The following PAK1 variants were observed in gnomAD, a reference collection of about 807,000 sequenced individuals.
The protein encoded by PAK1 is p21 (RAC1) activated kinase 1.
A neutral mutation model predicts 67.4 loss-of-function variants in PAK1; 29 were observed. The observed-to-expected ratio is 0.43, with a 90% CI of 0.32 to 0.59. The LOEUF is 0.59. Ranked by LOEUF, PAK1 falls within the 20% of genes least tolerant of loss-of-function variation. The pLI, the probability that PAK1 is intolerant of heterozygous loss-of-function variation, is 0.07. For synonymous variants in PAK1, 223 were observed against 237.4 expected (o/e 0.94, Z 0.56); for missense variants, 337 against 670.7 (o/e 0.50, Z 5.50).
the PAK1 span, among the ~76,000 whole-genome samples, chr11:77,496,947 A>G: frequency 6.6e-6 from 1 of 152,204 alleles, no homozygotes; most frequent in Non-Finnish European, 1.5e-5. Context: ...AAAAATAAAA[A>G]TAAAAAAACT....
the PAK1 span, among the ~76,000 whole-genome samples, chr11:77,499,895 T>C: frequency 6.6e-6 from 1 of 152,128 alleles, no homozygotes; most frequent in Non-Finnish European, 1.5e-5. Context: ...TCTCACCCTT[T>C]TGACCTTCTC....
chr11:77,397,797 G>C (rs1437632171), intron 1 of PAK1, among the ~76,000 whole-genome samples: 1 of 152,158 alleles, frequency 6.6e-6, no homozygotes, highest in Non-Finnish European at 1.5e-5. Flanking sequence ...GGCTTCTTTG[G>C]AAGTCATCCA....
intron 1 of PAK1, among the ~76,000 whole-genome samples, chr11:77,424,029 T>C (rs1955424153): frequency 6.6e-6 from 1 of 152,146 alleles, no homozygotes; most frequent in Non-Finnish European, 1.5e-5. Context: ...AAAAATAGGC[T>C]TAAGGCTAAA....
At chr11:77,522,460 A>G in the PAK1 span, among the ~76,000 whole-genome samples, 1 of 152,230 alleles carries the variant, frequency 6.6e-6, no homozygotes, top group African/African-American at 2.4e-5. Context: ...AGTTTCTCCA[A>G]TTGCATCCTG....
At chr11:77,507,547 G>T in the PAK1 span, among the ~76,000 whole-genome samples, 1 of 151,548 alleles carries the variant, frequency 6.6e-6, no homozygotes, top group Admixed American at 6.6e-5. Context: ...TTTCAGACAG[G>T]GTCTCACTCT....
chr11:77,460,525 A>G (rs1157132109), intron 1 of PAK1, among the ~76,000 whole-genome samples: 2 of 151,708 alleles, frequency 1.3e-5, no homozygotes, highest in Non-Finnish European at 2.9e-5. Flanking sequence ...GGGTTTATCT[A>G]GAAGCTGACA....
chr11:77,453,231 A>ACACCTGAG (rs1956934549), intron 1 of PAK1, among the ~76,000 whole-genome samples: 1 of 152,142 alleles, frequency 6.6e-6, no homozygotes, highest in African/African-American at 2.4e-5. Flanking sequence ...GCGCACGCCT[A>ACACCTGAG]TAGTCCCAGC....
chr11:77,399,185 A>G (rs1952255062), intron 1 of PAK1, among the ~76,000 whole-genome samples: 1 of 152,248 alleles, frequency 6.6e-6, no homozygotes, highest in Non-Finnish European at 1.5e-5. Flanking sequence ...ATAGGTAGAT[A>G]GACAGATCAT....
chr11:77,468,417 A>C (rs1005677053), intron 1 of PAK1, among the ~76,000 whole-genome samples: 1 of 152,188 alleles, frequency 6.6e-6, no homozygotes, highest in Non-Finnish European at 1.5e-5. Flanking sequence ...CCCATCTCAA[A>C]AACTAAAAGA....
intron 1 of PAK1, among the ~76,000 whole-genome samples, chr11:77,460,329 T>G (rs1401544699): frequency 6.7e-6 from 1 of 149,830 alleles, no homozygotes; most frequent in Non-Finnish European, 1.5e-5. Flanking sequence ...TTTGCTTTTT[T>G]TTTTTTTTTT....
the PAK1 span, among the ~76,000 whole-genome samples, chr11:77,511,558 T>C: frequency 1.2e-4 from 19 of 152,058 alleles, no homozygotes; most frequent in African/African-American, 4.3e-4. Context: ...GCTCAGAAAA[T>C]ACTTCCCAAC....
At chr11:77,381,005 A>T (rs1337783621) in intron 2 of PAK1, among the ~76,000 whole-genome samples, 3 of 152,286 alleles carry the variant, frequency 2.0e-5, no homozygotes, top group East Asian at 3.9e-4. Flanking sequence ...AGCTCAACAC[A>T]CTAACCAAAA....
chr11:77,493,909 G>T, the PAK1 span, among the ~76,000 whole-genome samples: 2 of 152,134 alleles, frequency 1.3e-5, no homozygotes, highest in Admixed American at 1.3e-4. Flanking sequence ...CATTATTTCT[G>T]TCATATTTGG....
At chr11:77,406,887 C>A (rs1410920084) in intron 1 of PAK1, among the ~76,000 whole-genome samples, 1 of 152,122 alleles carries the variant, frequency 6.6e-6, no homozygotes. Context: ...ATACATTAAC[C>A]ACAATAACAA....
At chr11:77,339,915 C>T (rs1943327610) in intron 11 of PAK1, among the ~76,000 whole-genome samples, 1 of 151,962 alleles carries the variant, frequency 6.6e-6, no homozygotes, top group African/African-American at 2.4e-5. Context: ...AGCAAAACAC[C>T]CAATATCCTC....
Position 77,392,717 on chromosome 11 carries a change from A to C in PAK1, c.-21-176T>G, listed in dbSNP as rs1262505819. Among the ~76,000 whole-genome samples, 3 of 152,212 alleles carry C rather than the reference A, an allele frequency of 2.0e-5. 1 individual carries two copies. In the East Asian group the frequency reaches 5.8e-4, roughly 29 times the overall value. Reference sequence around the variant, plus strand: ...ACTCACTGATGTAAATGCCTACTATATGCCAAGCACTAATGAAAAATCACA... The same window carrying C: ...ACTCACTGATGTAAATGCCTACTATCTGCCAAGCACTAATGAAAAATCACA... On this transcript the variant is annotated intron_variant, in intron 1 of 14. Transcript: ENST00000356341.
intron 14 of PAK1, among the ~76,000 whole-genome samples, chr11:77,327,092 T>G (rs1330754039): frequency 6.6e-6 from 1 of 151,916 alleles, no homozygotes. Flanking sequence ...GAAAAAAGAA[T>G]AAAAAGAAAC....
intron 2 of PAK1, among the ~76,000 whole-genome samples, chr11:77,386,028 T>C (rs1197315459): frequency 6.6e-6 from 1 of 152,186 alleles, no homozygotes; most frequent in African/African-American, 2.4e-5. Context: ...CTTGATTTCA[T>C]GTATCTAGAG....
rs560812719 is a variant in PAK1 at position 77,399,175 on chromosome 11, A to G, written c.-21-6634T>C. Among the ~76,000 whole-genome samples, 297 of 152,352 alleles carry G rather than the reference A, an allele frequency of 1.9e-3. 7 individuals are homozygous for G. The highest frequency in any genetic ancestry group is 6.8e-3 in the Middle Eastern group (2 of 294). On this transcript the variant is annotated intron_variant, in intron 1 of 14. Coordinates refer to ENST00000356341, the MANE Select transcript of PAK1 (RefSeq NM_002576.5). ...CAAATAGATGAAGGAAGACAGATAG[A>G]TAGGTAGATAGACAGATCATGAATA... is the stretch of plus-strand genomic sequence containing the variant.
Sources: allele counts gnomAD v4.1 joint callset (sites outside exome capture counted in the v4.1 genomes callset), GRCh38; gene constraint gnomAD v4.1.1; transcripts MANE v1.5; gene names NCBI Gene and HGNC (gene_info 2026-07-23, HGNC 2026-07-21).